Variants in BTRC observed in about 807,000 individuals in gnomAD.
BTRC encodes the protein F-box/WD repeat-containing protein 1A.
A neutral mutation model predicts 85.5 loss-of-function variants in BTRC; 42 were observed. That is an observed-to-expected ratio of 0.49 (90% CI 0.38 to 0.64). The LOEUF (loss-of-function observed/expected upper bound fraction) is 0.64, where lower values mean the gene tolerates loss of function less well. Among genes scored for constraint, BTRC ranks in the 30% least tolerant of loss-of-function variants. The pLI is 0.00. For missense variants in BTRC, 594 were observed against 743.5 expected (o/e 0.80, Z 2.34); for synonymous variants, 255 against 263.3 (o/e 0.97, Z 0.30).
chr10:101,399,706 A>G (rs1422243807), intron 1 of BTRC, among the ~76,000 whole-genome samples: 1 of 152,192 alleles, frequency 6.6e-6, no homozygotes, highest in Non-Finnish European at 1.5e-5. Context: ...TTAAAATTTG[A>G]TGCACTGATT....
intron 4 of BTRC, among the ~76,000 whole-genome samples, chr10:101,520,399 A>G (rs1372861461): frequency 1.3e-5 from 2 of 152,124 alleles, no homozygotes; most frequent in African/African-American, 4.8e-5. Flanking sequence ...TATGTTAGTG[A>G]TGTTAGAGAC....
intron 6 of BTRC, among the ~76,000 whole-genome samples, chr10:101,527,096 T>C (rs747970322): frequency 3.9e-5 from 6 of 152,218 alleles, no homozygotes; most frequent in Non-Finnish European, 5.9e-5. Flanking sequence ...ATATTAAATA[T>C]TCTCATTGAC....
chr10:101,506,744 T>G (rs1273224351), intron 4 of BTRC, among the ~76,000 whole-genome samples: 2 of 152,220 alleles, frequency 1.3e-5, no homozygotes, highest in Non-Finnish European at 2.9e-5. Context: ...CAAGGCTAGA[T>G]GAAGTGCTCT....
intron 1 of BTRC, among the ~76,000 whole-genome samples, chr10:101,391,984 T>C (rs1418069459): frequency 6.6e-6 from 1 of 152,178 alleles, no homozygotes; most frequent in Non-Finnish European, 1.5e-5. Flanking sequence ...CTAACTAATA[T>C]TCTTTTTTTT....
chr10:101,471,399 C>T (rs990202801), intron 3 of BTRC, among the ~76,000 whole-genome samples: 4 of 151,630 alleles, frequency 2.6e-5, no homozygotes, highest in African/African-American at 9.8e-5. Context: ...CAAAAATAGA[C>T]AGACAGATAG....
intron 1 of BTRC, among the ~76,000 whole-genome samples, chr10:101,393,954 C>A (rs1478622112): frequency 6.6e-6 from 1 of 152,210 alleles, no homozygotes; most frequent in South Asian, 2.1e-4. Flanking sequence ...CAGTGTAATG[C>A]AGACTTCGTA....
rs77949994 is a variant in BTRC at position 101,523,743 on chromosome 10, T to G, written c.556+1873T>G. On this transcript the variant is annotated intron_variant, in intron 5 of 14. Transcript: ENST00000370187. ...TTTGTGACCATTTTTTCTTAATACA[T>G]TCTCTTAATGTATTTTTCTAAATTT... 2.4e-4 allele frequency among the ~76,000 whole-genome samples: 36 copies of G among 152,332 alleles called. 1 individual carries two copies. The East Asian group carries it at 6.6e-3, about 28-fold the overall frequency.
chr10:101,372,961 G>T (rs957016973), intron 1 of BTRC, among the ~76,000 whole-genome samples: 2 of 152,170 alleles, frequency 1.3e-5, no homozygotes. Flanking sequence ...GGAGAGCTGA[G>T]ATCTTAACAC....
At chr10:101,442,048 ATCT>A (rs1329634309) in intron 2 of BTRC, among the ~76,000 whole-genome samples, 1 of 152,176 alleles carries the variant, frequency 6.6e-6, no homozygotes, top group Admixed American at 6.6e-5. Flanking sequence ...TTGTTTCCTC[ATCT>A]TTTCTTTGAA....
At chr10:101,506,626 A>G (rs921442120) in intron 4 of BTRC, among the ~76,000 whole-genome samples, 5 of 152,202 alleles carry the variant, frequency 3.3e-5, no homozygotes, top group Non-Finnish European at 7.3e-5. Flanking sequence ...ACTCTGCCAT[A>G]GTTAAATGTT....
At chr10:101,539,230 T>G (rs2062432151) in intron 13 of BTRC, among the ~76,000 whole-genome samples, 1 of 152,218 alleles carries the variant, frequency 6.6e-6, no homozygotes, top group African/African-American at 2.4e-5. Context: ...CACTAAATTA[T>G]TTATCATGTT....
intron 1 of BTRC, among the ~76,000 whole-genome samples, chr10:101,393,048 G>A (rs2133985280): frequency 1.3e-5 from 2 of 152,100 alleles, no homozygotes; most frequent in South Asian, 2.1e-4. Context: ...TTCTGATTGT[G>A]GATCTTAAGA....
intron 1 of BTRC, among the ~76,000 whole-genome samples, chr10:101,357,295 G>T (rs1325173007): frequency 6.6e-6 from 1 of 150,994 alleles, no homozygotes; most frequent in African/African-American, 2.4e-5. Context: ...ACAAAAATTA[G>T]CCAGGCCTGG....
intron 1 of BTRC, among the ~76,000 whole-genome samples, chr10:101,393,810 C>T (rs1365824005): frequency 1.3e-5 from 2 of 152,192 alleles, no homozygotes; most frequent in African/African-American, 4.8e-5. Flanking sequence ...TTGGAAACCA[C>T]CTTGCCTCAC....
intron 1 of BTRC, among the ~76,000 whole-genome samples, chr10:101,379,824 G>A (rs1256700372): frequency 6.6e-6 from 1 of 152,024 alleles, no homozygotes; most frequent in Non-Finnish European, 1.5e-5. Flanking sequence ...AGGAAAAAAG[G>A]GACAGAAAAT....
At chr10:101,465,767 A>G (rs1053566015) in intron 3 of BTRC, among the ~76,000 whole-genome samples, 4 of 152,206 alleles carry the variant, frequency 2.6e-5, no homozygotes, top group African/African-American at 7.2e-5. Context: ...TCTGTCACCA[A>G]GTCATTTTGT....
intron 1 of BTRC, among the ~76,000 whole-genome samples, chr10:101,428,135 G>A (rs143155241): frequency 7.2e-4 from 110 of 152,248 alleles, no homozygotes; most frequent in African/African-American, 2.4e-3. Flanking sequence ...GTAAATGGTC[G>A]ATATGGATTG....
At chr10:101,517,520 T>A in intron 4 of BTRC, among the ~76,000 whole-genome samples, 1 of 152,222 alleles carries the variant, frequency 6.6e-6, no homozygotes, top group Non-Finnish European at 1.5e-5. Flanking sequence ...ATGTTCCACA[T>A]TGAGTATGTC....
chr10:101,459,997 C>T (rs1258561753), intron 2 of BTRC, among the ~76,000 whole-genome samples: 1 of 152,072 alleles, frequency 6.6e-6, no homozygotes. Context: ...AATTAGGCTC[C>T]AAGTTATATG....
Sources: allele counts gnomAD v4.1 joint callset (sites outside exome capture counted in the v4.1 genomes callset), GRCh38; gene constraint gnomAD v4.1.1; transcripts MANE v1.5; gene names NCBI Gene and HGNC (gene_info 2026-07-23, HGNC 2026-07-21).